The following PLIN2 variants were observed in gnomAD, a reference collection of about 807,000 sequenced individuals.
PLIN2 encodes perilipin 2, also known as perilipin-2.
In PLIN2, 33 loss-of-function variants were observed where a neutral mutation model predicts 30.6. The observed-to-expected ratio is 1.08, with a 90% CI of 0.82 to 1.44. The LOEUF (loss-of-function observed/expected upper bound fraction) is 1.44, where lower values mean the gene tolerates loss of function less well. Ranked by LOEUF, PLIN2 falls within the 40% of genes most tolerant of loss-of-function variation. The pLI is 0.00. For missense variants in PLIN2, 610 were observed against 531.8 expected, an observed-to-expected ratio of 1.15 and a Z score of -1.45; for synonymous variants, 205 against 201.1, an observed-to-expected ratio of 1.02 and a Z score of -0.16.
chr9:19,116,660 A>G lies in PLIN2; in HGVS notation c.913-11T>C, dbSNP rs749949965. ...ACGTGACTCAATGTGCTAAAAATAAAACTTAAAATTAGCAGTGGATCCAAC... is the reference window on the plus strand; with the variant it reads ...ACGTGACTCAATGTGCTAAAAATAAGACTTAAAATTAGCAGTGGATCCAAC... On this transcript the variant is annotated splice_polypyrimidine_tract_variant and intron_variant, in intron 7 of 7. Coordinates refer to ENST00000276914, the MANE Select transcript of PLIN2 (RefSeq NM_001122.4). 1 of 1,606,728 alleles carries G rather than the reference A, an allele frequency of 6.2e-7. No homozygotes were observed. The highest frequency in any genetic ancestry group is 2.2e-5 in the East Asian group (1 of 44,720).
intron 7 of PLIN2, among the ~76,000 whole-genome samples, chr9:19,117,713 G>A (rs192330938): frequency 5.9e-5 from 9 of 151,834 alleles, no homozygotes; most frequent in African/African-American, 2.2e-4. Flanking sequence ...TGCCTCCCAG[G>A]TTCAAGCTAT....
chr9:19,126,494 C>G, intron 1 of PLIN2, 46 bp from the exon 2 acceptor site: 1 of 1,242,690 alleles, frequency 8.0e-7, no homozygotes, highest in Non-Finnish European at 1.2e-6. Context: ...AAGACTCTCC[C>G]AAATTCATTC....
Position 19,118,460 on chromosome 9 carries a change from A to G in PLIN2, c.778-5T>C. The G allele has an allele frequency of 1.2e-6, 2 of 1,611,476 alleles. No individual in the cohort carries two copies. Among genetic ancestry groups the G allele is most frequent in the Non-Finnish European group, 1.7e-6 (2 of 1,179,252 alleles). On this transcript the variant is annotated splice_region_variant and splice_polypyrimidine_tract_variant and intron_variant, in intron 6 of 7. Coordinates refer to ENST00000276914, the MANE Select transcript of PLIN2 (RefSeq NM_001122.4). ...ATTCTTCCTGGCAAATTCAATCTAG[A>G]CACATTGAAACAAGACAAAGGAACA...
chr9:19,110,423 T>C (rs1165900324), intron 2 of PLIN2, among the ~76,000 whole-genome samples: 1 of 152,186 alleles, frequency 6.6e-6, no homozygotes, highest in Admixed American at 6.6e-5. Flanking sequence ...GCCACATAAT[T>C]GTACACTTAA....
chr9:19,117,904 A>G (rs969336101), intron 7 of PLIN2, among the ~76,000 whole-genome samples: 1 of 152,226 alleles, frequency 6.6e-6, no homozygotes, highest in African/African-American at 2.4e-5. Context: ...GGCGTGAGCC[A>G]TCGCGCCCAG....
At chr9:19,109,559 G>A (rs1373009054) in intron 2 of PLIN2, among the ~76,000 whole-genome samples, 4 of 138,682 alleles carry the variant, frequency 2.9e-5, no homozygotes, top group African/African-American at 5.1e-5. Flanking sequence ...AAAAAAGAAA[G>A]AAAAGAAAAA....
intron 7 of PLIN2, 61 bp from the exon 8 acceptor site, chr9:19,116,710 T>A (rs886422592): frequency 2.2e-5 from 32 of 1,440,334 alleles, no homozygotes; most frequent in Non-Finnish European, 2.9e-5. Context: ...ATTAGTTCGA[T>A]GACAGTAGGC....
intron 5 of PLIN2, among the ~76,000 whole-genome samples, chr9:19,120,194 G>C (rs916814389): frequency 6.6e-6 from 1 of 151,964 alleles, no homozygotes; most frequent in Non-Finnish European, 1.5e-5. Flanking sequence ...GAGTAGCTAG[G>C]ACTCTAGGAA....
Position 19,119,724 on chromosome 9 carries a change from C to G in PLIN2, c.703G>C (p.Ala235Pro). 6.2e-7 allele frequency: 1 copy of G among 1,612,646 alleles called. No homozygotes were observed. The highest frequency in any genetic ancestry group is 8.5e-7 in the Non-Finnish European group (1 of 1,178,918). Residue 235 changes from alanine to proline, a missense_variant, in exon 6 of 8, where the codon GCT becomes CCT. By Grantham distance (27) the Ala-to-Pro change is conservative. Transcript: ENST00000276914. ...TTAGCTTCTTTAACCCTGCTGAGAGCCTGCTGGTAGGCACGGGAGTGAAGC... is the reference window on the plus strand; with the variant it reads ...TTAGCTTCTTTAACCCTGCTGAGAGGCTGCTGGTAGGCACGGGAGTGAAGC... ...TKLHSRAYQQ[A>P]LSRVKEAKQK...
At chr9:19,108,620 A>T (rs1285634940) in exon 3 of PLIN2, 8 of 152,650 alleles carry the variant, frequency 5.2e-5, no homozygotes, top group Admixed American at 5.2e-4. Flanking sequence ...TAGTTATTCA[A>T]CATCTTGCCC....
At chr9:19,114,486 C>G (rs1682934645), downstream of PLIN2, among the ~76,000 whole-genome samples, 2 of 151,912 alleles carry the variant, frequency 1.3e-5, no homozygotes, top group South Asian at 4.2e-4. Context: ...CTCACTGCAG[C>G]CTCCACCTCC....
intron 6 of PLIN2, among the ~76,000 whole-genome samples, chr9:19,118,756 A>T (rs937986868): frequency 1.8e-4 from 28 of 152,224 alleles, no homozygotes; most frequent in African/African-American, 6.5e-4. Flanking sequence ...TCTGTCACCC[A>T]GGCTGAAGTA....
intron 2 of PLIN2, among the ~76,000 whole-genome samples, chr9:19,109,904 C>T (rs1381385604): frequency 6.6e-6 from 1 of 150,824 alleles, no homozygotes; most frequent in Non-Finnish European, 1.5e-5. Context: ...TGCAGTGAGC[C>T]AAGATTGCAC....
chr9:19,126,579 T>C, intron 1 of PLIN2, 131 bp from the exon 2 acceptor site: 3 of 637,390 alleles, frequency 4.7e-6, no homozygotes, highest in Middle Eastern at 4.3e-4. Flanking sequence ...TGCACTTCTT[T>C]CCTCTCTCCA....
Position 19,119,753 on chromosome 9 carries a change from G to C in PLIN2, c.674C>G (p.Thr225Ser). ...SYYVRLGSLS[T>S]KLHSRAYQQA... ...CTGGTAGGCACGGGAGTGAAGCTTG[G>C]TAGACAGGGATCCCAGTCTAACATA... Residue 225 changes from threonine (T) to serine (S), a missense_variant, in exon 6 of 8, where the codon ACC (threonine) becomes AGC (serine). Coordinates refer to ENST00000276914, the MANE Select transcript of PLIN2 (RefSeq NM_001122.4). 1 of 1,610,828 alleles carries C rather than the reference G, an allele frequency of 6.2e-7. No homozygotes were observed. Among genetic ancestry groups the C allele is most frequent in the Admixed American group, 1.7e-5 (1 of 59,926 alleles).
chr9:19,114,704 T>C (rs1277335562), downstream of PLIN2, among the ~76,000 whole-genome samples: 1 of 152,156 alleles, frequency 6.6e-6, no homozygotes, highest in African/African-American at 2.4e-5. Flanking sequence ...GCGCCTGGCC[T>C]ATTTCACAAG....
chr9:19,125,922 C>CA (rs11394383), intron 3 of PLIN2, 192 bp downstream of exon 3: 194,123 of 406,006 alleles, frequency 0.48, 25,640 homozygotes, highest in Admixed American at 0.53. Context: ...GACTCCATCT[C>CA]AAAAAAAAAA....
chr9:19,122,935 T>C (rs1363198075), intron 4 of PLIN2, among the ~76,000 whole-genome samples: 2 of 152,142 alleles, frequency 1.3e-5, no homozygotes, highest in East Asian at 1.9e-4. Flanking sequence ...TTGGTGTGAG[T>C]ATACTCTGTG....
At chr9:19,126,633 C>A (rs2131187123) in intron 1 of PLIN2, among the ~76,000 whole-genome samples, 185 bp from the exon 2 acceptor site, 1 of 152,294 alleles carries the variant, frequency 6.6e-6, no homozygotes, top group Admixed American at 6.5e-5. Context: ...CCACACAACC[C>A]CACTCCCTCT....
Sources: allele counts gnomAD v4.1 joint callset (sites outside exome capture counted in the v4.1 genomes callset), GRCh38; gene constraint gnomAD v4.1.1; transcripts MANE v1.5; gene names NCBI Gene and HGNC (gene_info 2026-07-23, HGNC 2026-07-21).